The following TBC1D25 variants were observed in gnomAD, a reference collection of about 807,000 sequenced individuals.
TBC1D25 encodes the protein TBC1 domain family member 25.
A neutral mutation model predicts 38.8 loss-of-function variants in TBC1D25; 13 were observed. The observed-to-expected ratio is 0.34, with a 90% CI of 0.22 to 0.53. The LOEUF (loss-of-function observed/expected upper bound fraction) is 0.53, where lower values mean the gene tolerates loss of function less well. Ranked by LOEUF, TBC1D25 falls within the 20% of genes least tolerant of loss-of-function variation. The probability of loss-of-function intolerance (pLI) is 0.94; values close to 1 mark genes in which losing one functional copy is unlikely to be tolerated. For missense variants in TBC1D25, 372 were observed against 600.0 expected (o/e 0.62, Z 3.97); for synonymous variants, 225 against 255.6 (o/e 0.88, Z 1.14).
At chrX:48,556,060 A>C (rs6520362) in intron 3 of TBC1D25, among the ~76,000 whole-genome samples, 53,590 of 102,715 alleles carry the variant, frequency 0.52, 11,753 homozygotes, top group African/African-American at 0.77. Flanking sequence ...TGCAAAGAGG[A>C]CTCCCTCTTT....
intron 4 of TBC1D25, 56 bp downstream of exon 4, chrX:48,559,080 C>T (rs1569483728): frequency 1.7e-6 from 2 of 1,201,905 alleles, no homozygotes; most frequent in South Asian, 1.8e-5. Flanking sequence ...GCCTTCCTGG[C>T]ACCCTGGTTC....
intron 3 of TBC1D25, among the ~76,000 whole-genome samples, chrX:48,549,100 G>A: frequency 8.9e-6 from 1 of 112,729 alleles, no homozygotes; most frequent in East Asian, 2.8e-4. Context: ...CTGGAATGCA[G>A]TGACGCAAAT....
intron 3 of TBC1D25, among the ~76,000 whole-genome samples, chrX:48,552,479 G>T (rs1314428847): frequency 4.6e-5 from 5 of 109,700 alleles, no homozygotes; most frequent in Admixed American, 9.9e-5. Context: ...AGCCTCCCGA[G>T]TAGCTGGGAT....
chrX:48,557,892 C>T (rs374508232), intron 3 of TBC1D25, among the ~76,000 whole-genome samples: 125 of 110,355 alleles, frequency 1.1e-3, no homozygotes, highest in African/African-American at 3.9e-3. Context: ...GAGTGGATCA[C>T]GTGAGGTCAG....
At chrX:48,543,106 G>A (rs1556980707) in intron 2 of TBC1D25, among the ~76,000 whole-genome samples, 2 of 111,014 alleles carry the variant, frequency 1.8e-5, no homozygotes, top group Non-Finnish European at 3.8e-5. Context: ...ACTATCTGCA[G>A]TTTCAGGCAT....
intron 2 of TBC1D25, among the ~76,000 whole-genome samples, chrX:48,542,864 G>A (rs2061852028): frequency 9.0e-6 from 1 of 111,481 alleles, no homozygotes; most frequent in African/African-American, 3.3e-5. Flanking sequence ...GCCTCTCAAA[G>A]TGCTGGGATT....
At chrX:48,543,249 T>G (rs1299182714) in intron 2 of TBC1D25, among the ~76,000 whole-genome samples, 1 of 109,900 alleles carries the variant, frequency 9.1e-6, no homozygotes, top group African/African-American at 3.3e-5. Flanking sequence ...AAAAAAAATT[T>G]TTTTTTTGAG....
chrX:48,546,327 C>T (rs12011305), intron 3 of TBC1D25, among the ~76,000 whole-genome samples: 363 of 108,197 alleles, frequency 3.4e-3, no homozygotes, highest in African/African-American at 0.011. Flanking sequence ...CCCTGGCTAA[C>T]ACGGTGAAAC....
intron 2 of TBC1D25, among the ~76,000 whole-genome samples, chrX:48,541,812 G>GT (rs782401865): frequency 8.1e-5 from 9 of 111,551 alleles, no homozygotes; most frequent in Middle Eastern, 4.6e-3. Context: ...GGTAGAAACT[G>GT]TACTGCAAGT....
chrX:48,559,823 T>C lies in TBC1D25; in HGVS notation c.915T>C (p.Pro305=). ...TDRAHPYYAG[P]EDGPHLRALH... The stretch of plus-strand genomic sequence containing the variant: ...GGGCCCACCCCTACTATGCGGGGCC[T>C]GAGGATGGCCCACATCTACGGGCGC... Residue 305 remains proline (P), a synonymous_variant, in exon 6 of 6, where the codon CCT becomes CCC. Transcript: ENST00000376771. 1 of 1,212,009 alleles carries C rather than the reference T, an allele frequency of 8.3e-7. No individual in the cohort carries two copies. The highest frequency in any genetic ancestry group is 1.8e-5 in the South Asian group (1 of 57,029).
chrX:48,552,197 T>C (rs782764175), intron 3 of TBC1D25, among the ~76,000 whole-genome samples: 88 of 111,235 alleles, frequency 7.9e-4, no homozygotes, highest in Non-Finnish European at 1.3e-3. Flanking sequence ...TCTTTTTTTT[T>C]TCTTTTTGAC....
rs143270326 is a variant in TBC1D25 at position 48,560,966 on chromosome X, C to T, written c.2058C>T (p.Ala686=). The change falls in exon 6 of 6, where the codon GCC becomes GCT. Residue 686 remains alanine (A), a synonymous_variant. Transcript: ENST00000376771. ...CAGAGGAGGGGGCTGAGGCCACAGC[C>T]GCATCTTGATCAGGCTTTCTCAAGC... ...WDSEEGAEAT[A]AS 1.1e-3 allele frequency: 1,308 copies of T among 1,189,790 alleles called. No individual in the cohort carries two copies. The highest frequency in any genetic ancestry group is 1.4e-3 in the Non-Finnish European group (1,208 of 885,284).
In TBC1D25 at chrX:48,539,763, C is replaced by T; in HGVS notation, c.-35C>T. 2.1e-6 allele frequency: 2 copies of T among 948,822 alleles called. No homozygotes were observed. The highest frequency in any genetic ancestry group is 2.6e-6 in the Non-Finnish European group (2 of 760,306). 78.2% of individuals were successfully genotyped at this position (948,822 alleles called of 1,213,427 possible). A position where few individuals can be genotyped will look rare whatever the true frequency, so the allele number is the denominator to read the frequency against. ...GAGTGTGCGCCGGGGTGGGGGGCAA[C>T]GGTCAGCCGTCACCCTGAGACGGGC... On this transcript the variant is annotated 5_prime_UTR_variant, in exon 1 of 6. The change creates a new upstream start codon in the 5' untranslated region. Coordinates refer to ENST00000376771, the MANE Select transcript of TBC1D25 (RefSeq NM_002536.4).
At chrX:48,559,467 C>T (rs954998789) in intron 5 of TBC1D25, 121 bp downstream of exon 5, 31 of 1,084,726 alleles carry the variant, frequency 2.9e-5, no homozygotes, top group Middle Eastern at 3.4e-4. Context: ...GCACGAAGTT[C>T]TCTTTAAGGA....
chrX:48,541,841 T>C (rs1218210788), intron 2 of TBC1D25, among the ~76,000 whole-genome samples: 1 of 111,489 alleles, frequency 9.0e-6, no homozygotes, highest in Non-Finnish European at 1.9e-5. Context: ...ATTCTGCTTT[T>C]CACTTTCAGT....
At chrX:48,539,957 A>G (rs1368920030) in intron 1 of TBC1D25, 37 bp downstream of exon 1, 3 of 946,357 alleles carry the variant, frequency 3.2e-6, no homozygotes, top group Non-Finnish European at 4.0e-6. Flanking sequence ...CCGCCGAGGC[A>G]TCCCAGGGGA....
Position 48,561,006 on chromosome X carries a change from A to G in TBC1D25, c.*31A>G. The stretch of plus-strand genomic sequence containing the variant: ...CTTTCTCAAGCCCTCCATCGGCCCC[A>G]CCAGATCTCCATTCTTTGCCATGAG... On this transcript the variant is annotated 3_prime_UTR_variant, in exon 6 of 6. Coordinates refer to ENST00000376771, the MANE Select transcript of TBC1D25 (RefSeq NM_002536.4). 8.7e-7 allele frequency: 1 copy of G among 1,152,304 alleles called. No individual in the cohort carries two copies. Among genetic ancestry groups the G allele is most frequent in the East Asian group, 3.0e-5 (1 of 33,060 alleles). The allele number at this position is 1,152,304 out of a possible 1,213,427, so 95.0% of individuals were successfully genotyped here. A position where few individuals can be genotyped will look rare whatever the true frequency, so the allele number is the denominator to read the frequency against.
chrX:48,543,350 C>G (rs2061855610), intron 2 of TBC1D25, among the ~76,000 whole-genome samples: 1 of 108,896 alleles, frequency 9.2e-6, no homozygotes, highest in African/African-American at 3.3e-5. Flanking sequence ...AATTCTCCTG[C>G]CTCGGCCTCC....
intron 3 of TBC1D25, among the ~76,000 whole-genome samples, chrX:48,552,602 C>T (rs1378220016): frequency 1.8e-5 from 2 of 110,237 alleles, no homozygotes; most frequent in African/African-American, 3.3e-5. Context: ...CTGCCTGCCT[C>T]GGCCTCCCAA....
Sources: gnomAD v4.1 joint callset for allele counts (sites outside exome capture counted in the v4.1 genomes callset) on GRCh38, gnomAD v4.1.1 for gene constraint, MANE v1.5 for transcripts, NCBI Gene and HGNC (gene_info 2026-07-23, HGNC 2026-07-21) for gene names.